Variants in UVRAG observed in about 807,000 individuals in gnomAD.
The protein encoded by UVRAG is UV radiation resistance-associated gene protein.
A neutral mutation model predicts 78.0 loss-of-function variants in UVRAG; 19 were observed. The ratio of observed to expected loss-of-function variants is 0.24; its 90% CI spans 0.17 to 0.36. UVRAG has a LOEUF of 0.36. UVRAG is among the 10% of genes least tolerant of loss of function. The pLI, the probability that UVRAG is intolerant of heterozygous loss-of-function variation, is 1.00. For synonymous variants in UVRAG, 323 were observed against 324.6 expected (o/e 1.00, Z 0.05); for missense variants, 740 against 853.8 (o/e 0.87, Z 1.66).
intron 12 of UVRAG, among the ~76,000 whole-genome samples, chr11:76,034,730 C>T (rs959487798): frequency 6.6e-6 from 1 of 151,966 alleles, no homozygotes; most frequent in African/African-American, 2.4e-5. Flanking sequence ...TTAATAATGC[C>T]TAGAATTTTG....
intron 1 of UVRAG, among the ~76,000 whole-genome samples, chr11:75,850,106 AAGTTACAC>A (rs1946122667): frequency 6.6e-6 from 1 of 151,750 alleles, no homozygotes; most frequent in Non-Finnish European, 1.5e-5. Context: ...TGAAGTTACA[AAGTTACAC>A]TCCTATGCAA....
chr11:75,939,834 A>G (rs1032335736), intron 6 of UVRAG, among the ~76,000 whole-genome samples: 3 of 152,170 alleles, frequency 2.0e-5, no homozygotes, highest in African/African-American at 7.2e-5. Context: ...TTGCCTTTGG[A>G]GACACTGTGG....
chr11:76,100,614 T>C (rs1951862721), intron 13 of UVRAG, among the ~76,000 whole-genome samples: 2 of 152,154 alleles, frequency 1.3e-5, no homozygotes, highest in Non-Finnish European at 2.9e-5. Context: ...CAACATTCTT[T>C]AAAAGAAAAA....
intron 12 of UVRAG, 38 bp from the exon 13 acceptor site, chr11:76,065,672 G>A (rs1321441576): frequency 1.3e-6 from 2 of 1,597,604 alleles, no homozygotes; most frequent in Admixed American, 3.3e-5. Flanking sequence ...TATTTACTCA[G>A]CTTTTGAAAA....
At chr11:75,856,037 T>G (rs2134762183) in intron 2 of UVRAG, among the ~76,000 whole-genome samples, 1 of 152,346 alleles carries the variant, frequency 6.6e-6, no homozygotes, top group East Asian at 1.9e-4. Flanking sequence ...TCGCCCAGGC[T>G]GGAGTGCAGT....
In UVRAG at chr11:75,985,852, T is replaced by C. The variant is rs374792843; in HGVS notation, c.826+2339T>C. On this transcript the variant is annotated intron_variant, in intron 8 of 14. Coordinates refer to ENST00000356136, the MANE Select transcript of UVRAG (RefSeq NM_003369.4). ...AGATGACCATTTGCTTGTAAGTCTG[T>C]TAAGAACCCTCTGTTCTGTTCTATT... Among the ~76,000 whole-genome samples the C allele has an allele frequency of 5.3e-5, 8 of 152,190 alleles. No homozygotes were observed. The East Asian group carries it at 7.7e-4, about 15-fold the overall frequency.
intron 12 of UVRAG, among the ~76,000 whole-genome samples, chr11:76,024,214 T>C (rs1950291719): frequency 6.6e-6 from 1 of 152,210 alleles, no homozygotes. Flanking sequence ...GTAAATATTC[T>C]TGCTCCAGAT....
chr11:76,088,958 A>C lies in UVRAG; in HGVS notation c.1305+23170A>C, dbSNP rs113439446. On this transcript the variant is annotated intron_variant, in intron 13 of 14. Coordinates refer to ENST00000356136, the MANE Select transcript of UVRAG (RefSeq NM_003369.4). ...AAGGGCCAGAGACTGAGGTTCATTC[A>C]TCTCTTTATCCAGACACAGTAGCTA... Among the ~76,000 whole-genome samples the C allele has an allele frequency of 1.7e-3, 264 of 152,314 alleles. 1 individual carries two copies. The highest frequency in any genetic ancestry group is 6.1e-3 in the African/African-American group (253 of 41,564).
chr11:75,987,549 A>T (rs1036889083), intron 8 of UVRAG, among the ~76,000 whole-genome samples: 2 of 152,166 alleles, frequency 1.3e-5, no homozygotes, highest in East Asian at 3.8e-4. Flanking sequence ...TGTCTGAGAC[A>T]TCCAGTACAA....
intron 7 of UVRAG, among the ~76,000 whole-genome samples, chr11:75,962,389 G>A (rs575476191): frequency 2.4e-4 from 36 of 152,082 alleles, no homozygotes; most frequent in Non-Finnish European, 4.9e-4. Flanking sequence ...ATTTGCCCAA[G>A]ATAATCATAT....
At chr11:76,111,398 T>TA (rs1279828605) in intron 13 of UVRAG, among the ~76,000 whole-genome samples, 1 of 152,068 alleles carries the variant, frequency 6.6e-6, no homozygotes, top group Non-Finnish European at 1.5e-5. Flanking sequence ...AAAGAAGTAA[T>TA]ACTCCCAGTT....
At chr11:75,867,826 G>GT (rs1408194911) in intron 3 of UVRAG, among the ~76,000 whole-genome samples, 2 of 152,080 alleles carry the variant, frequency 1.3e-5, no homozygotes, top group East Asian at 3.8e-4. Flanking sequence ...AAAATTTTTT[G>GT]TTTCAGTATA....
intron 7 of UVRAG, among the ~76,000 whole-genome samples, chr11:75,975,635 A>G (rs1949223191): frequency 6.6e-6 from 1 of 152,164 alleles, no homozygotes; most frequent in African/African-American, 2.4e-5. Context: ...GCAGTTGTGA[A>G]TGGGAGTTCA....
intron 12 of UVRAG, among the ~76,000 whole-genome samples, chr11:76,020,961 C>T (rs1486410604): frequency 6.6e-6 from 1 of 152,156 alleles, no homozygotes; most frequent in African/African-American, 2.4e-5. Flanking sequence ...TGGGCATTGG[C>T]TGAGTTTAGT....
intron 8 of UVRAG, among the ~76,000 whole-genome samples, chr11:75,990,498 C>G (rs1359749078): frequency 1.3e-5 from 2 of 152,200 alleles, no homozygotes; most frequent in Non-Finnish European, 2.9e-5. Flanking sequence ...ATTCCTATGT[C>G]ATACTCTCGT....
At chr11:75,862,454 A>G (rs1946442980) in intron 3 of UVRAG, among the ~76,000 whole-genome samples, 1 of 152,222 alleles carries the variant, frequency 6.6e-6, no homozygotes, top group Non-Finnish European at 1.5e-5. Flanking sequence ...AAAATATCTT[A>G]GTAATGGTCC....
chr11:75,874,988 C>T (rs7117696), intron 3 of UVRAG, among the ~76,000 whole-genome samples: 10,345 of 152,244 alleles, frequency 0.068, 506 homozygotes, highest in African/African-American at 0.14. Flanking sequence ...AGCCCATCCA[C>T]GTTTCTAGTG....
chr11:75,990,685 C>T (rs1320975179), intron 8 of UVRAG, among the ~76,000 whole-genome samples: 1 of 152,184 alleles, frequency 6.6e-6, no homozygotes, highest in Non-Finnish European at 1.5e-5. Flanking sequence ...CACCAGGAAA[C>T]CATCACTGGC....
intron 6 of UVRAG, among the ~76,000 whole-genome samples, chr11:75,920,075 G>A (rs747678346): frequency 2.5e-5 from 3 of 120,970 alleles, no homozygotes; most frequent in Admixed American, 2.3e-4. Flanking sequence ...GCCCAGCCTG[G>A]AGTGCAATGG....
Sources: allele counts gnomAD v4.1 joint callset (sites outside exome capture counted in the v4.1 genomes callset), GRCh38; gene constraint gnomAD v4.1.1; transcripts MANE v1.5; gene names NCBI Gene and HGNC (gene_info 2026-07-23, HGNC 2026-07-21).